Variants in PCDHGA11 observed in about 807,000 individuals in gnomAD.
PCDHGA11 encodes protocadherin gamma-A11.
In PCDHGA11, 39 loss-of-function variants were observed where a neutral mutation model predicts 60.4. The ratio of observed to expected loss-of-function variants is 0.65; its 90% CI spans 0.50 to 0.84. The LOEUF (loss-of-function observed/expected upper bound fraction) is 0.84. Ranked by LOEUF, PCDHGA11 falls within the 40% of genes least tolerant of loss-of-function variation. PCDHGA11 has a pLI of 0.00. For missense variants in PCDHGA11, 1,165 were observed against 1,197.7 expected, an observed-to-expected ratio of 0.97 and a Z score of 0.40; for synonymous variants, 533 against 510.3, an observed-to-expected ratio of 1.04 and a Z score of -0.60.
intron 1 of PCDHGA11, among the ~76,000 whole-genome samples, chr5:141,465,502 G>T (rs948827391): frequency 6.6e-6 from 1 of 152,152 alleles, no homozygotes; most frequent in Non-Finnish European, 1.5e-5. Flanking sequence ...GAGCATTGTC[G>T]TGGTCAGGAA....
At chr5:141,478,068 A>T (rs560968418) in intron 1 of PCDHGA11, 1 of 1,614,134 alleles carries the variant, frequency 6.2e-7, no homozygotes, top group East Asian at 2.2e-5. Flanking sequence ...ATCAAAGACA[A>T]TGGGGAGCCT....
intron 1 of PCDHGA11, among the ~76,000 whole-genome samples, chr5:141,468,738 T>C (rs965510711): frequency 3.0e-4 from 46 of 151,958 alleles, no homozygotes; most frequent in South Asian, 2.1e-3. Flanking sequence ...TGGTGGCGGG[T>C]GCCTGTAGTC....
intron 3 of PCDHGA11, among the ~76,000 whole-genome samples, chr5:141,509,807 C>T (rs369661041): frequency 2.0e-5 from 3 of 152,104 alleles, no homozygotes; most frequent in Non-Finnish European, 4.4e-5. Context: ...TTCATAGAGC[C>T]GAGCTCTTCT....
At chr5:141,451,503 A>G (rs1395798374) in intron 1 of PCDHGA11, among the ~76,000 whole-genome samples, 1 of 152,234 alleles carries the variant, frequency 6.6e-6, no homozygotes, top group African/African-American at 2.4e-5. Flanking sequence ...TAGGGCAACC[A>G]GCTTCTGTTA....
chr5:141,471,058 T>C (rs991869999), intron 1 of PCDHGA11, among the ~76,000 whole-genome samples: 2 of 149,826 alleles, frequency 1.3e-5, no homozygotes, highest in Non-Finnish European at 3.0e-5. Context: ...TTTTTTTTTT[T>C]TTTTTTTTGA....
In PCDHGA11 at chr5:141,423,495, C is replaced by T; in HGVS notation, c.2268C>T (p.His756=). The part of the protein sequence containing the change: ...GVQAFLQTYS[H]EVSLIADSQK... ...AGGCTTTCCTGCAAACCTATTCCCA[C>T]GAGGTCTCTCTCATTGCGGACTCGC... The change falls in exon 1 of 4, where the codon CAC becomes CAT. Residue 756 remains histidine, a synonymous_variant. Coordinates refer to ENST00000398587, the MANE Select transcript of PCDHGA11 (RefSeq NM_018914.3). 6.2e-7 allele frequency: 1 copy of T among 1,613,946 alleles called. No individual in the cohort carries two copies. Among genetic ancestry groups the T allele is most frequent in the African/African-American group, 1.3e-5 (1 of 75,060 alleles).
intron 2 of PCDHGA11, among the ~76,000 whole-genome samples, chr5:141,499,384 A>G (rs2099791576): frequency 6.6e-6 from 1 of 152,200 alleles, no homozygotes. Context: ...TTTTCCACTT[A>G]TAAAATAGTA....
At chr5:141,447,976 C>T (rs774074042) in intron 1 of PCDHGA11, among the ~76,000 whole-genome samples, 18 of 151,938 alleles carry the variant, frequency 1.2e-4, no homozygotes, top group Non-Finnish European at 2.5e-4. Flanking sequence ...ATCCCAGCTA[C>T]TCGGGAGGCT....
Position 141,491,190 on chromosome 5 carries a change from C to A in PCDHGA11, c.2434-3617C>A, listed in dbSNP as rs759736855. On this transcript the variant is annotated intron_variant, in intron 1 of 3. Transcript: ENST00000398587. The surrounding 1 kb of genome is among the most constrained non-coding windows in gnomAD (Gnocchi z 6.9). ...AGCAGGTGGTGGTCCTGGTGAGGGA[C>A]AATGGTGACCCTTCACTCTCCTCCA... 1 of 1,614,192 alleles carries A rather than the reference C, an allele frequency of 6.2e-7. No homozygotes were observed. The highest frequency in any genetic ancestry group is 1.1e-5 in the South Asian group (1 of 91,082).
intron 1 of PCDHGA11, chr5:141,440,761 C>T (rs2098198732): frequency 6.6e-6 from 1 of 152,172 alleles, no homozygotes; most frequent in African/African-American, 2.4e-5. Context: ...GCAGAGCTCC[C>T]ATCCCTTAGT....
At chr5:141,501,127 T>C (rs2099805755) in intron 2 of PCDHGA11, among the ~76,000 whole-genome samples, 5 of 152,024 alleles carry the variant, frequency 3.3e-5, no homozygotes, top group Non-Finnish European at 7.4e-5. Context: ...TCAGCCTCCC[T>C]AAGTGCTGGG....
chr5:141,430,613 A>T, intron 1 of PCDHGA11: 1 of 679,628 alleles, frequency 1.5e-6, no homozygotes, highest in Admixed American at 3.0e-5. Context: ...CACAAAGCAG[A>T]TAGCTAGGAA....
chr5:141,492,285 A>T (rs2099739112), intron 1 of PCDHGA11, among the ~76,000 whole-genome samples: 1 of 152,132 alleles, frequency 6.6e-6, no homozygotes, highest in African/African-American at 2.4e-5. Flanking sequence ...CGCCCCGCCA[A>T]CACGTGCGCG....
At chr5:141,455,438 C>G (rs1350941007) in intron 1 of PCDHGA11, among the ~76,000 whole-genome samples, 1 of 152,082 alleles carries the variant, frequency 6.6e-6, no homozygotes, top group Non-Finnish European at 1.5e-5. Context: ...GAGGAGGTCC[C>G]CATCTACCGC....
chr5:141,496,747 A>T (rs13188028), intron 2 of PCDHGA11, among the ~76,000 whole-genome samples: 1 of 152,124 alleles, frequency 6.6e-6, no homozygotes, highest in Non-Finnish European at 1.5e-5. Context: ...CATTTATTCA[A>T]CAAATATTTA....
At chr5:141,424,357 G>A (rs1171882619) in intron 1 of PCDHGA11, 1 of 152,122 alleles carries the variant, frequency 6.6e-6, no homozygotes, top group Non-Finnish European at 1.5e-5. Context: ...ATAAAATTTA[G>A]ATCACATTTT....
chr5:141,424,880 C>G (rs2096845847), intron 1 of PCDHGA11, among the ~76,000 whole-genome samples: 1 of 152,162 alleles, frequency 6.6e-6, no homozygotes, highest in Admixed American at 6.5e-5. Context: ...GGAAAGGAGA[C>G]TTATCTAGGG....
intron 1 of PCDHGA11, chr5:141,428,219 T>C (rs749413221): frequency 8.4e-7 from 1 of 1,195,778 alleles, no homozygotes. Context: ...CACCTAGTCT[T>C]CGCAGACAGC....
chr5:141,448,394 T>A (rs1360417681), intron 1 of PCDHGA11, among the ~76,000 whole-genome samples: 2 of 152,206 alleles, frequency 1.3e-5, no homozygotes, highest in Admixed American at 6.5e-5. Context: ...TACATTTACA[T>A]GGTTTTAAAA....
Sources: gnomAD v4.1 joint callset for allele counts (sites outside exome capture counted in the v4.1 genomes callset) on GRCh38, gnomAD v4.1.1 for gene constraint, Gnocchi (gnomAD v3.1) non-coding constraint, MANE v1.5 for transcripts, NCBI Gene and HGNC (gene_info 2026-07-23, HGNC 2026-07-21) for gene names.